JARID2: variants seen among roughly 807,000 people sequenced by gnomAD.
JARID2 encodes the protein jumonji and AT-rich interaction domain containing 2.
A neutral mutation model predicts 125.6 loss-of-function variants in JARID2; 21 were observed. The observed-to-expected ratio is 0.17, with a 90% confidence interval of 0.12 to 0.24. The LOEUF (loss-of-function observed/expected upper bound fraction) is 0.24. Ranked by LOEUF, JARID2 falls within the 10% of genes least tolerant of loss-of-function variation. The pLI, the probability that JARID2 is intolerant of heterozygous loss-of-function variation, is 1.00. For missense variants in JARID2, 1,303 were observed against 1,639.6 expected (o/e 0.79, Z 3.55); for synonymous variants, 736 against 661.6 (o/e 1.11, Z -1.73).
At position 15,394,859 on chromosome 6, in the gene JARID2, C is replaced by T. The variant is rs181583922; in HGVS notation, c.182-15365C>T. Among the ~76,000 whole-genome samples the T allele has an allele frequency of 3.5e-3, 533 of 152,000 alleles. 17 individuals are homozygous for T. The highest frequency in any genetic ancestry group is 0.034 in the Admixed American group (518 of 15,268). On this transcript the variant is annotated intron_variant, in intron 2 of 17. Transcript: ENST00000341776. ...GCAGGACTCAACCCAGCTACCCCAG[C>T]GGCTTCATGCAGTAATTCAGAACCA... is the stretch of plus-strand genomic sequence containing the variant.
chr6:15,424,695 T>TA (rs1326349263), intron 3 of JARID2, among the ~76,000 whole-genome samples: 2 of 151,978 alleles, frequency 1.3e-5, no homozygotes, highest in African/African-American at 4.8e-5. Flanking sequence ...CTGCCTCCAC[T>TA]AAAAAAATAC....
intron 1 of JARID2, among the ~76,000 whole-genome samples, chr6:15,340,251 T>C (rs1763023544): frequency 6.6e-6 from 1 of 152,184 alleles, no homozygotes; most frequent in Non-Finnish European, 1.5e-5. Context: ...AGCATGGCCT[T>C]TCCAATTTGT....
chr6:15,422,098 C>G (rs977404923), intron 3 of JARID2, among the ~76,000 whole-genome samples: 8 of 152,162 alleles, frequency 5.3e-5, no homozygotes, highest in African/African-American at 1.4e-4. Flanking sequence ...TTGGGTCCTC[C>G]AATGTTAGAG....
chr6:15,279,831 A>T (rs1760682796), intron 1 of JARID2, among the ~76,000 whole-genome samples: 1 of 152,194 alleles, frequency 6.6e-6, no homozygotes, highest in Admixed American at 6.5e-5. Flanking sequence ...AGCATTACCT[A>T]AGACCCTTCA....
At chr6:15,251,927 G>C (rs1045929868) in intron 1 of JARID2, among the ~76,000 whole-genome samples, 2 of 151,832 alleles carry the variant, frequency 1.3e-5, no homozygotes, top group Middle Eastern at 3.4e-3. Flanking sequence ...GCGGTGAGCC[G>C]CTTGAACCTG....
intron 3 of JARID2, among the ~76,000 whole-genome samples, chr6:15,449,844 G>A (rs1767838180): frequency 6.6e-6 from 1 of 152,068 alleles, no homozygotes; most frequent in African/African-American, 2.4e-5. Flanking sequence ...TGGTCATAGG[G>A]GAGACAAGAG....
At chr6:15,435,482 TCCTC>T (rs1337863004) in intron 3 of JARID2, among the ~76,000 whole-genome samples, 3 of 152,228 alleles carry the variant, frequency 2.0e-5, no homozygotes, top group Non-Finnish European at 2.9e-5. Context: ...GATGCCACCT[TCCTC>T]CCAGTGCCAG....
chr6:15,290,600 GGT>G (rs1428830183), intron 1 of JARID2, among the ~76,000 whole-genome samples: 1 of 152,022 alleles, frequency 6.6e-6, no homozygotes, highest in African/African-American at 2.4e-5. Flanking sequence ...TGTGATGAAG[GGT>G]TGCTGAATAG....
chr6:15,369,734 AAG>A (rs1352601182), intron 1 of JARID2, among the ~76,000 whole-genome samples: 13 of 152,238 alleles, frequency 8.5e-5, no homozygotes, highest in African/African-American at 3.1e-4. Flanking sequence ...ATACAGGAGA[AAG>A]AGTCTGAACA....
At chr6:15,373,990 C>A in intron 1 of JARID2, 127 bp from the exon 2 acceptor site, 2 of 1,026,336 alleles carry the variant, frequency 1.9e-6, no homozygotes, top group South Asian at 1.6e-5. Context: ...GTAATTCTGA[C>A]ATTGAGAACT....
At chr6:15,355,900 T>G (rs1332461945) in intron 1 of JARID2, among the ~76,000 whole-genome samples, 1 of 152,258 alleles carries the variant, frequency 6.6e-6, no homozygotes, top group African/African-American at 2.4e-5. Flanking sequence ...CGTGAGCCAG[T>G]GTGCCCGGCC....
chr6:15,331,362 A>C (rs895416225), intron 1 of JARID2, among the ~76,000 whole-genome samples: 2 of 151,350 alleles, frequency 1.3e-5, no homozygotes, highest in African/African-American at 4.9e-5. Context: ...AAAACAAAAA[A>C]AACAAAAAAC....
At position 15,248,157 on chromosome 6, in the gene JARID2, C is replaced by A. The variant is rs548799494; in HGVS notation, c.45+1573C>A. The A allele has an allele frequency of 1.7e-5, 15 of 892,938 alleles. No individual in the cohort carries two copies. In the East Asian group the frequency reaches 1.6e-3, roughly 94 times the overall value. 55.3% of individuals were successfully genotyped at this position (892,938 alleles called of 1,614,324 possible). ...TGGCTGGCGGCGGCTGCGGGAGGCACGGCACGAGTTAATGCACCGGGAGCA... is the reference window on the plus strand; with the variant it reads ...TGGCTGGCGGCGGCTGCGGGAGGCAAGGCACGAGTTAATGCACCGGGAGCA... On this transcript the variant is annotated intron_variant, in intron 1 of 17. Transcript: ENST00000341776.
chr6:15,500,869 C>G (rs1381065400), intron 7 of JARID2, 38 bp from the exon 8 acceptor site: 22 of 1,551,006 alleles, frequency 1.4e-5, no homozygotes, highest in African/African-American at 2.7e-5. Context: ...GTGTCTCTTT[C>G]ACTAACTGTC....
intron 1 of JARID2, among the ~76,000 whole-genome samples, chr6:15,327,807 C>G (rs187533531): frequency 2.0e-5 from 3 of 152,292 alleles, no homozygotes; most frequent in East Asian, 3.9e-4. Context: ...AACGCGGTCT[C>G]TGCTGTCTTT....
chr6:15,275,371 A>T (rs2127361970), intron 1 of JARID2, among the ~76,000 whole-genome samples: 1 of 152,220 alleles, frequency 6.6e-6, no homozygotes, highest in African/African-American at 2.4e-5. Context: ...TTTCCTACAT[A>T]CACAGCTTCT....
chr6:15,263,391 C>T lies in JARID2; in HGVS notation c.45+16807C>T, dbSNP rs889854956. Among the ~76,000 whole-genome samples the T allele has an allele frequency of 3.3e-5, 5 of 152,146 alleles. No homozygotes were observed. In the East Asian group the frequency reaches 9.7e-4, roughly 29 times the overall value. On this transcript the variant is annotated intron_variant, in intron 1 of 17. Transcript: ENST00000341776. ...AGAAATTATCCCTGATTTTCTTCTCCTTCCAAGCCTGCTGAACCAAAAATG... is the reference window on the plus strand; with the variant it reads ...AGAAATTATCCCTGATTTTCTTCTCTTTCCAAGCCTGCTGAACCAAAAATG...
At chr6:15,509,635 CGA>C (rs1561915572) in intron 12 of JARID2, among the ~76,000 whole-genome samples, 1 of 152,232 alleles carries the variant, frequency 6.6e-6, no homozygotes, top group Non-Finnish European at 1.5e-5. Context: ...AGGACTATTC[CGA>C]GAGGTGCCTT....
At chr6:15,401,090 G>GA in intron 2 of JARID2, 1 of 1,288,740 alleles carries the variant, frequency 7.8e-7, no homozygotes, top group Non-Finnish European at 1.0e-6. Flanking sequence ...TTTTGTTGGA[G>GA]AAATAGGCCT....
Sources: gnomAD v4.1 joint callset for allele counts (sites outside exome capture counted in the v4.1 genomes callset) on GRCh38, gnomAD v4.1.1 for gene constraint, MANE v1.5 for transcripts, NCBI Gene and HGNC (gene_info 2026-07-23, HGNC 2026-07-21) for gene names.